TMEM72: variants seen among roughly 807,000 people sequenced by gnomAD.
The protein encoded by TMEM72 is transmembrane protein 72, also known as kidney-specific secretory protein of 37 kDa.
TMEM72 carries 9 observed loss-of-function variants against 16.3 expected under a neutral mutation model. The ratio of observed to expected loss-of-function variants is 0.55; its 90% confidence interval spans 0.33 to 0.96. TMEM72 has a LOEUF of 0.96. TMEM72 is among the 40% of genes least tolerant of loss of function. The pLI, the probability that TMEM72 is intolerant of heterozygous loss-of-function variation, is 0.03. For synonymous variants in TMEM72, 160 were observed against 146.5 expected, an observed-to-expected ratio of 1.09 and a Z score of -0.66; for missense variants, 324 against 337.8, an observed-to-expected ratio of 0.96 and a Z score of 0.32.
At chr10:44,920,209 C>G (rs1316985361) in intron 1 of TMEM72, 2 of 152,248 alleles carry the variant, frequency 1.3e-5, no homozygotes, top group East Asian at 3.8e-4. Flanking sequence ...GCATCCAGTG[C>G]CAAGGTTAGT....
rs1840340019 is a variant in TMEM72 at position 44,933,538 on chromosome 10, AGCATGCCCACAGCAGG to A, written c.210-96_210-81del. The A allele has an allele frequency of 4.0e-6, 6 of 1,484,184 alleles. No individual in the cohort carries two copies. The South Asian group carries it at 6.5e-5, about 16-fold the overall frequency. The allele number at this position is 1,484,184 out of a possible 1,614,324, so 91.9% of individuals were successfully genotyped here. A position where few individuals can be genotyped will look rare whatever the true frequency, so the allele number is the denominator to read the frequency against. On this transcript the variant is annotated intron_variant, in intron 3 of 4. Coordinates refer to ENST00000389583, the MANE Select transcript of TMEM72 (RefSeq NM_001123376.3). ...TCTGTTCAGCCAGGGCCCACTGCAG[AGCATGCCCACAGCAGG>A]GCCTGGCCCAGACTCCATGGCATCC...
At chr10:44,922,380 C>T (rs1273607263) in intron 1 of TMEM72, among the ~76,000 whole-genome samples, 1 of 152,234 alleles carries the variant, frequency 6.6e-6, no homozygotes, top group East Asian at 1.9e-4. Context: ...CCTGCCAATT[C>T]TGGAGAACAG....
chr10:44,922,441 T>C (rs1047766473), intron 1 of TMEM72, among the ~76,000 whole-genome samples: 1 of 152,234 alleles, frequency 6.6e-6, no homozygotes, highest in African/African-American at 2.4e-5. Flanking sequence ...GTGAAAACAC[T>C]TTGGGGTCCT....
intron 1 of TMEM72, among the ~76,000 whole-genome samples, chr10:44,916,586 T>G (rs1288899811): frequency 1.3e-5 from 2 of 152,146 alleles, no homozygotes; most frequent in Non-Finnish European, 2.9e-5. Flanking sequence ...TATATCCCCA[T>G]GACCACCTCC....
chr10:44,918,275 G>A (rs1840041056), intron 1 of TMEM72, among the ~76,000 whole-genome samples: 1 of 152,110 alleles, frequency 6.6e-6, no homozygotes, highest in Admixed American at 6.5e-5. Context: ...TACTTACAAG[G>A]GAGATGCTAT....
chr10:44,914,973 C>T (rs1330024465), intron 1 of TMEM72, among the ~76,000 whole-genome samples: 1 of 152,188 alleles, frequency 6.6e-6, no homozygotes, highest in Non-Finnish European at 1.5e-5. Context: ...GAAGAGCCCC[C>T]TTTGTGGGAC....
chr10:44,913,050 T>C (rs977722243), intron 1 of TMEM72, among the ~76,000 whole-genome samples: 2 of 152,124 alleles, frequency 1.3e-5, no homozygotes, highest in South Asian at 2.1e-4. Context: ...AGGTTCAGAA[T>C]TGCTCTGCTG....
chr10:44,929,583 C>A (rs1840261305), intron 2 of TMEM72, among the ~76,000 whole-genome samples: 1 of 152,264 alleles, frequency 6.6e-6, no homozygotes, highest in Admixed American at 6.5e-5. Flanking sequence ...CACCTGCCAT[C>A]TCCCAGATGC....
chr10:44,926,031 A>T (rs965478979), intron 1 of TMEM72, among the ~76,000 whole-genome samples: 3 of 151,804 alleles, frequency 2.0e-5, no homozygotes. Flanking sequence ...ACACTCACAC[A>T]CACACACTCA....
At chr10:44,916,418 A>G (rs1185950879) in intron 1 of TMEM72, among the ~76,000 whole-genome samples, 1 of 152,190 alleles carries the variant, frequency 6.6e-6, no homozygotes, top group Non-Finnish European at 1.5e-5. Context: ...GTACATTAGG[A>G]GAAAAGAAGT....
At chr10:44,933,886 G>A in intron 4 of TMEM72, 110 bp downstream of exon 4, 2 of 1,334,102 alleles carry the variant, frequency 1.5e-6, no homozygotes, top group Non-Finnish European at 2.0e-6. Context: ...GACCTTACCT[G>A]CCCCACTGCC....
chr10:44,930,217 T>C (rs1272356036), intron 2 of TMEM72, among the ~76,000 whole-genome samples: 1 of 152,226 alleles, frequency 6.6e-6, no homozygotes, highest in Non-Finnish European at 1.5e-5. Context: ...GTACCTGCCC[T>C]GTCTGTCCCT....
rs1176449466 is a variant in TMEM72, at chr10:44,935,713, G to C, written c.*579G>C. On this transcript the variant is annotated 3_prime_UTR_variant, in exon 5 of 5. Transcript: ENST00000389583. ...TGGGCCACATTCTCTGCATGCTCTAGGGCTGGGGCTGAGCTGCTCAGGAAA... is the reference window on the plus strand; with the variant it reads ...TGGGCCACATTCTCTGCATGCTCTACGGCTGGGGCTGAGCTGCTCAGGAAA... The C allele has an allele frequency of 6.6e-6, 1 of 152,552 alleles. No homozygotes were observed. The highest frequency in any genetic ancestry group is 2.4e-5 in the African/African-American group (1 of 41,468). The allele number at this position is 152,552 out of a possible 1,614,324, so 9.4% of individuals were successfully genotyped here. A position where few individuals can be genotyped will look rare whatever the true frequency, so the allele number is the denominator to read the frequency against.
Position 44,935,262 on chromosome 10 carries a change from C to G in TMEM72, c.*128C>G. 1.1e-6 allele frequency: 1 copy of G among 878,186 alleles called. No individual in the cohort carries two copies. Among genetic ancestry groups the G allele is most frequent in the Non-Finnish European group, 1.7e-6 (1 of 597,956 alleles). The allele number at this position is 878,186 out of a possible 1,614,324, so 54.4% of individuals were successfully genotyped here. On this transcript the variant is annotated 3_prime_UTR_variant, in exon 5 of 5. Transcript: ENST00000389583. ...CCAGACACCCCCACACTGGCTGGGC[C>G]CCTGAGGCCATCAGGAGGTGTGACT... is the stretch of plus-strand genomic sequence containing the variant.
intron 1 of TMEM72, among the ~76,000 whole-genome samples, chr10:44,914,456 C>T (rs1839984697): frequency 6.6e-6 from 1 of 152,212 alleles, no homozygotes; most frequent in African/African-American, 2.4e-5. Context: ...CATGTGCATG[C>T]ATGCGCCCGT....
At chr10:44,911,658 G>T in intron 1 of TMEM72, 76 bp downstream of exon 1, 5 of 1,503,876 alleles carry the variant, frequency 3.3e-6, no homozygotes, top group Non-Finnish European at 2.7e-6. Flanking sequence ...GTGGGAGGTG[G>T]CCAGGAGACA....
rs57408505 is a variant in TMEM72 at position 44,924,991 on chromosome 10, C to T, written c.71-2930C>T. Among the ~76,000 whole-genome samples, 804 of 152,328 alleles carry T rather than the reference C, an allele frequency of 5.3e-3. 21 individuals are homozygous for T. The East Asian group carries it at 0.095, about 18-fold the overall frequency. ...TCACCTCTTTGCATTGATCACCTGA[C>T]ATCTATCAGGCACTAAGCCGTGCAT... is the stretch of plus-strand genomic sequence containing the variant. On this transcript the variant is annotated intron_variant, in intron 1 of 4. Coordinates refer to ENST00000389583, the MANE Select transcript of TMEM72 (RefSeq NM_001123376.3).
chr10:44,924,525 G>A (rs955037908), intron 1 of TMEM72, among the ~76,000 whole-genome samples: 1 of 152,048 alleles, frequency 6.6e-6, no homozygotes, highest in African/African-American at 2.4e-5. Context: ...GCCAGGAGCC[G>A]CCCCCCAAGG....
At position 44,934,998 on chromosome 10, in the gene TMEM72, T is replaced by C. The variant is rs369250579; in HGVS notation, c.692T>C (p.Ile231Thr). Reference sequence around the variant, plus strand: ...CACTTTGAAGACAACTTGGTCCGCATAGTCCCCTCCCTCGCCGAAGGTCTG... The same window carrying C: ...CACTTTGAAGACAACTTGGTCCGCACAGTCCCCTCCCTCGCCGAAGGTCTG... Reference protein sequence around the residue: ...QVHFEDNLVRIVPSLAEGLDD... With the variant: ...QVHFEDNLVRTVPSLAEGLDD... Residue 231 changes from isoleucine to threonine, a missense_variant, in exon 5 of 5, where the codon ATA becomes ACA. By Grantham distance (89) the Ile-to-Thr change is moderately conservative. Transcript: ENST00000389583. 1.2e-6 allele frequency: 2 copies of C among 1,614,012 alleles called. No individual in the cohort carries two copies. The highest frequency in any genetic ancestry group is 1.3e-5 in the African/African-American group (1 of 74,946).
Sources: gnomAD v4.1 joint callset for allele counts (sites outside exome capture counted in the v4.1 genomes callset) on GRCh38, gnomAD v4.1.1 for gene constraint, MANE v1.5 for transcripts, NCBI Gene and HGNC (gene_info 2026-07-23, HGNC 2026-07-21) for gene names.